The following DRC11 variants were observed in gnomAD, a reference collection of about 807,000 sequenced individuals.
The protein encoded by DRC11 is IQ and AAA domain-containing protein 1.
chr2:236,432,549 GTTTTC>G, the DRC11 span, among the ~76,000 whole-genome samples: 7 of 152,194 alleles, frequency 4.6e-5, no homozygotes, highest in African/African-American at 7.2e-5. Context: ...ATTCATTTGA[GTTTTC>G]TTTTCTGAGC....
At chr2:236,408,199 T>C in the DRC11 span, 2 of 759,550 alleles carry the variant, frequency 2.6e-6, no homozygotes, top group East Asian at 2.5e-5. The surrounding 1 kb of genome is among the most constrained non-coding windows in gnomAD (Gnocchi z 5.5). Flanking sequence ...CTTGATAAGG[T>C]AGCCCTGGCC....
At chr2:236,364,121 A>G in the DRC11 span, 1 of 697,846 alleles carries the variant, frequency 1.4e-6, no homozygotes, top group Non-Finnish European at 2.4e-6. Context: ...ATTTCAAACC[A>G]GAGACACGCC....
chr2:236,434,480 C>G, the DRC11 span, among the ~76,000 whole-genome samples: 17 of 152,270 alleles, frequency 1.1e-4, no homozygotes, highest in Non-Finnish European at 1.9e-4. This position sits in a 1 kb window ranked among gnomAD's most constrained non-coding sequence, Gnocchi z 5.5. Flanking sequence ...ATTGTCTCAT[C>G]TAATTATTAC....
the DRC11 span, among the ~76,000 whole-genome samples, chr2:236,495,809 G>A: frequency 1.3e-5 from 2 of 152,130 alleles, no homozygotes; most frequent in Non-Finnish European, 2.9e-5. This position sits in a 1 kb window ranked among gnomAD's most constrained non-coding sequence, Gnocchi z 5.6. Context: ...ACTGTTGACC[G>A]CCCTCTGCAC....
chr2:236,422,434 G>C, the DRC11 span, among the ~76,000 whole-genome samples: 1 of 152,176 alleles, frequency 6.6e-6, no homozygotes, highest in Non-Finnish European at 1.5e-5. Flanking sequence ...CAAATCATGA[G>C]TGAACTCCCA....
chr2:236,473,984 A>C, the DRC11 span, among the ~76,000 whole-genome samples: 1 of 152,218 alleles, frequency 6.6e-6, no homozygotes, highest in African/African-American at 2.4e-5. The surrounding 1 kb of genome is among the most constrained non-coding windows in gnomAD (Gnocchi z 4.8). Context: ...ACAAAATGAA[A>C]TCATAAAAAA....
chr2:236,397,548 T>C, the DRC11 span, among the ~76,000 whole-genome samples: 1 of 152,204 alleles, frequency 6.6e-6, no homozygotes. This position sits in a 1 kb window ranked among gnomAD's most constrained non-coding sequence, Gnocchi z 5.0. Flanking sequence ...TCCACAAAGG[T>C]GCTCTTCGGA....
chr2:236,329,359 C>T, the DRC11 span, among the ~76,000 whole-genome samples: 1 of 152,196 alleles, frequency 6.6e-6, no homozygotes, highest in East Asian at 1.9e-4. Flanking sequence ...TCAGTTTCCT[C>T]ATGTGCAAAA....
At chr2:236,324,765 G>A in the DRC11 span, 5 of 1,603,730 alleles carry the variant, frequency 3.1e-6, no homozygotes, top group Non-Finnish European at 4.3e-6. The surrounding 1 kb of genome is among the most constrained non-coding windows in gnomAD (Gnocchi z 5.7). Flanking sequence ...TTACCCAGAG[G>A]AGTTTTGGCA....
At chr2:236,446,225 A>G in the DRC11 span, among the ~76,000 whole-genome samples, 2 of 152,174 alleles carry the variant, frequency 1.3e-5, no homozygotes, top group African/African-American at 4.8e-5. This position sits in a 1 kb window ranked among gnomAD's most constrained non-coding sequence, Gnocchi z 6.2. Context: ...GTTAATCGTA[A>G]GGAAGCTGCG....
At chr2:236,423,013 A>G in the DRC11 span, among the ~76,000 whole-genome samples, 1 of 151,676 alleles carries the variant, frequency 6.6e-6, no homozygotes, top group Non-Finnish European at 1.5e-5. Context: ...GAAAGCTGAA[A>G]CTGGATCCCT....
At chr2:236,493,987 T>G in the DRC11 span, 1 of 978,660 alleles carries the variant, frequency 1.0e-6, no homozygotes, top group Non-Finnish European at 1.4e-6. Flanking sequence ...CAAAGACGCT[T>G]GCTTTACTTC....
At chr2:236,499,750 T>A in the DRC11 span, among the ~76,000 whole-genome samples, 4 of 152,182 alleles carry the variant, frequency 2.6e-5, no homozygotes, top group Non-Finnish European at 5.9e-5. The surrounding 1 kb of genome is among the most constrained non-coding windows in gnomAD (Gnocchi z 4.7). Flanking sequence ...TCTTGGTATC[T>A]CTTGTCAAAT....
the DRC11 span, chr2:236,377,206 C>G: frequency 6.6e-7 from 1 of 1,512,486 alleles, no homozygotes; most frequent in Non-Finnish European, 9.2e-7. This position sits in a 1 kb window ranked among gnomAD's most constrained non-coding sequence, Gnocchi z 4.9. Flanking sequence ...AGCAGAGTGT[C>G]TGTTCCAGAG....
At chr2:236,450,007 T>C in the DRC11 span, among the ~76,000 whole-genome samples, 1 of 152,212 alleles carries the variant, frequency 6.6e-6, no homozygotes, top group African/African-American at 2.4e-5. Context: ...CTGGATTAGC[T>C]TGGAGGCATG....
chr2:236,486,476 A>G, the DRC11 span, among the ~76,000 whole-genome samples: 1 of 150,906 alleles, frequency 6.6e-6, no homozygotes, highest in African/African-American at 2.5e-5. The surrounding 1 kb of genome is among the most constrained non-coding windows in gnomAD (Gnocchi z 5.7). Flanking sequence ...AATCACCAGC[A>G]CCAGAAAAAA....
chr2:236,366,148 G>A, the DRC11 span, among the ~76,000 whole-genome samples: 92 of 152,254 alleles, frequency 6.0e-4, no homozygotes, highest in African/African-American at 2.1e-3. Context: ...TGATCTCTAC[G>A]TGGCAGTAAT....
chr2:236,314,038 A>G, the DRC11 span, among the ~76,000 whole-genome samples: 2 of 152,170 alleles, frequency 1.3e-5, no homozygotes, highest in African/African-American at 4.8e-5. The surrounding 1 kb of genome is among the most constrained non-coding windows in gnomAD (Gnocchi z 4.5). Flanking sequence ...AAAACTTAAT[A>G]CATATGCATA....
chr2:236,491,162 TATATATATATATATATATACACACA>T, the DRC11 span, among the ~76,000 whole-genome samples: 3 of 54,172 alleles, frequency 5.5e-5, no homozygotes, highest in African/African-American at 2.3e-4. Context: ...ACACACAGTA[TATATATATATATATATATACACACA>T]GTATATATAT....
Sources: allele counts gnomAD v4.1 joint callset (sites outside exome capture counted in the v4.1 genomes callset), GRCh38; gene constraint gnomAD v4.1.1; non-coding constraint Gnocchi (gnomAD v3.1); transcripts MANE v1.5; gene names NCBI Gene and HGNC (gene_info 2026-07-23, HGNC 2026-07-21).